TNRC6C: variants seen among roughly 807,000 people sequenced by gnomAD.
TNRC6C encodes trinucleotide repeat-containing gene 6C protein.
Under a neutral mutation model 153.7 loss-of-function variants are expected in TNRC6C, and 20 were observed. The ratio of observed to expected loss-of-function variants is 0.13; its 90% CI spans 0.09 to 0.19. TNRC6C has a LOEUF of 0.19. Ranked by LOEUF, TNRC6C falls within the 10% of genes least tolerant of loss-of-function variation. TNRC6C has a pLI of 1.00. For synonymous variants in TNRC6C, 811 were observed against 841.4 expected, an observed-to-expected ratio of 0.96 and a Z score of 0.63; for missense variants, 1,987 against 2,172.0, an observed-to-expected ratio of 0.91 and a Z score of 1.69.
At position 78,104,698 on chromosome 17, in the gene TNRC6C, G is replaced by C; in HGVS notation, c.4926G>C (p.Gly1642=). 2.6e-6 allele frequency: 4 copies of C among 1,540,374 alleles called. No homozygotes were observed. Among genetic ancestry groups the C allele is most frequent in the Non-Finnish European group, 3.5e-6 (4 of 1,145,838 alleles). The change falls in exon 20 of 20, where the codon GGG becomes GGC. Residue 1642 remains glycine, a synonymous_variant. Coordinates refer to ENST00000301624, the Ensembl canonical transcript of TNRC6C. This position sits in a 1 kb window ranked among gnomAD's most constrained non-coding sequence, Gnocchi z 6.2. Reference sequence around the variant, plus strand: ...ACGCCCCGTGCCTGGGTGGCAAGGGGAGCAGTGAGCTGCTGTGGGGCGGGG... The same window carrying C: ...ACGCCCCGTGCCTGGGTGGCAAGGGCAGCAGTGAGCTGCTGTGGGGCGGGG...
intron 10 of TNRC6C, among the ~76,000 whole-genome samples, chr17:78,082,220 A>G (rs1403780219): frequency 6.6e-6 from 1 of 150,880 alleles, no homozygotes. Flanking sequence ...CTGTGATGCC[A>G]CCAATGCACT....
At chr17:78,067,958 A>G in intron 5 of TNRC6C, 35 bp downstream of exon 7, 1 of 1,566,450 alleles carries the variant, frequency 6.4e-7, no homozygotes, top group Non-Finnish European at 8.6e-7. Context: ...GTACACCCTG[A>G]AAACCAAAGG....
chr17:78,014,677 CTG>C (rs2071695771), intron 1 of TNRC6C, among the ~76,000 whole-genome samples: 1 of 150,364 alleles, frequency 6.7e-6, no homozygotes, highest in African/African-American at 2.5e-5. Context: ...AGAGAGGTAA[CTG>C]TAATATGCTA....
chr17:77,983,172 T>G (rs939610185), intron 1 of TNRC6C, among the ~76,000 whole-genome samples: 1 of 152,222 alleles, frequency 6.6e-6, no homozygotes, highest in Non-Finnish European at 1.5e-5. Flanking sequence ...TGTTATACCT[T>G]ATAACCCACC....
intron 2 of TNRC6C, among the ~76,000 whole-genome samples, chr17:78,033,669 C>T (rs1358329855): frequency 2.4e-5 from 3 of 124,928 alleles, no homozygotes; most frequent in Non-Finnish European, 3.5e-5. Flanking sequence ...AACTCCGTTT[C>T]AAAAAAAAAA....
upstream of TNRC6C, chr17:78,004,297 CT>C: frequency 8.1e-7 from 1 of 1,231,650 alleles, no homozygotes; most frequent in Non-Finnish European, 1.0e-6. Flanking sequence ...GCTTCATTGT[CT>C]TTGTATCATT....
chr17:77,959,069 C>T (rs1014405375), upstream of TNRC6C, among the ~76,000 whole-genome samples: 1 of 144,684 alleles, frequency 6.9e-6, no homozygotes, highest in African/African-American at 2.5e-5. Flanking sequence ...GGACGCGCCG[C>T]CGCCCACTCG....
chr17:78,096,449 A>T (rs1199019884), intron 16 of TNRC6C, among the ~76,000 whole-genome samples: 1 of 152,258 alleles, frequency 6.6e-6, no homozygotes, highest in Non-Finnish European at 1.5e-5. Flanking sequence ...GAAGACCTGC[A>T]GATTACCCAT....
intron 2 of TNRC6C, among the ~76,000 whole-genome samples, chr17:78,039,330 C>T (rs1598721123): frequency 6.7e-6 from 1 of 148,712 alleles, no homozygotes; most frequent in South Asian, 2.2e-4. Context: ...CCACTCCCTA[C>T]CTCTTACCAG....
At chr17:78,050,665 G>A in exon 3 of TNRC6C, 1 of 1,558,366 alleles carries the variant, frequency 6.4e-7, no homozygotes, top group Non-Finnish European at 8.7e-7. Context: ...AAGTGGCCCG[G>A]GGGTTTGGGG....
intron 14 of TNRC6C, among the ~76,000 whole-genome samples, chr17:78,092,318 C>T (rs1300634522): frequency 6.6e-6 from 1 of 152,216 alleles, no homozygotes; most frequent in Non-Finnish European, 1.5e-5. Flanking sequence ...CAGGAGGGCT[C>T]TGCTGCCTGT....
chr17:78,013,093 C>T (rs1463419288), intron 1 of TNRC6C, among the ~76,000 whole-genome samples: 2 of 151,812 alleles, frequency 1.3e-5, no homozygotes, highest in African/African-American at 4.9e-5. Flanking sequence ...AACTGAGCAC[C>T]CTTACCAAGC....
chr17:78,026,184 A>G (rs904234095), intron 1 of TNRC6C, among the ~76,000 whole-genome samples: 3 of 152,168 alleles, frequency 2.0e-5, no homozygotes, highest in Non-Finnish European at 2.9e-5. Flanking sequence ...CACTCCTTCA[A>G]CATTTATTTA....
chr17:78,091,694 T>TAGA, intron 14 of TNRC6C, 87 bp downstream of exon 16: 1 of 1,262,326 alleles, frequency 7.9e-7, no homozygotes. Flanking sequence ...ATTCTATACT[T>TAGA]TTCTAAGAAT....
At chr17:77,996,898 C>T (rs1403835523) in intron 1 of TNRC6C, among the ~76,000 whole-genome samples, 2 of 152,040 alleles carry the variant, frequency 1.3e-5, no homozygotes, top group African/African-American at 4.8e-5. Flanking sequence ...GATACAGATA[C>T]CAGTGAGAGG....
intron 3 of TNRC6C, among the ~76,000 whole-genome samples, chr17:78,062,205 G>C (rs1266077889): frequency 6.6e-6 from 1 of 152,110 alleles, no homozygotes; most frequent in African/African-American, 2.4e-5. Flanking sequence ...GTTAGCAATT[G>C]CTGGCGATAA....
At chr17:78,005,006 A>G (rs148826074), upstream of TNRC6C, 11 of 1,180,602 alleles carry the variant, frequency 9.3e-6, 1 homozygote, top group Admixed American at 3.4e-4. Context: ...CATTCTACAC[A>G]TTATTCCTAA....
At chr17:78,003,102 T>C (rs945485024), upstream of TNRC6C, among the ~76,000 whole-genome samples, 8 of 152,164 alleles carry the variant, frequency 5.3e-5, no homozygotes, top group Non-Finnish European at 1.0e-4. Flanking sequence ...GCTAATACTA[T>C]AGATAAAGCA....
intron 11 of TNRC6C, among the ~76,000 whole-genome samples, chr17:78,083,528 T>C (rs2073219615): frequency 6.6e-6 from 1 of 152,214 alleles, no homozygotes; most frequent in Non-Finnish European, 1.5e-5. Context: ...TCAGAAAATC[T>C]ACCAATCTAC....
Sources: gnomAD v4.1 joint callset for allele counts (sites outside exome capture counted in the v4.1 genomes callset) on GRCh38, gnomAD v4.1.1 for gene constraint, Gnocchi (gnomAD v3.1) non-coding constraint, MANE v1.5 for transcripts, NCBI Gene and HGNC (gene_info 2026-07-23, HGNC 2026-07-21) for gene names.